The following CACNA1E variants were observed in gnomAD, a reference collection of about 807,000 sequenced individuals.
CACNA1E encodes calcium voltage-gated channel subunit alpha1 E, also known as voltage-dependent R-type calcium channel subunit alpha-1E.
A neutral mutation model predicts 259.2 loss-of-function variants in CACNA1E; 40 were observed. The ratio of observed to expected loss-of-function variants is 0.15; its 90% CI spans 0.12 to 0.20. The LOEUF is 0.20. Ranked by LOEUF, CACNA1E falls within the 10% of genes least tolerant of loss-of-function variation. The pLI, the probability that CACNA1E is intolerant of heterozygous loss-of-function variation, is 1.00. For synonymous variants in CACNA1E, 1,104 were observed against 1,138.5 expected, an observed-to-expected ratio of 0.97 and a Z score of 0.61; for missense variants, 1,874 against 3,040.1, an observed-to-expected ratio of 0.62 and a Z score of 9.02.
rs555287054 is a variant in CACNA1E at position 181,703,568 on chromosome 1, T to C, written c.1056-7386T>C. ...TAATTGTCATGCTTTTCTTCCCCTG[T>C]GTCTACTCAAACAAATAAATGAGAT... On this transcript the variant is annotated intron_variant, in intron 7 of 47. Transcript: ENST00000367573. Among the ~76,000 whole-genome samples, 19 of 152,318 alleles carry C rather than the reference T, an allele frequency of 1.2e-4. No homozygotes were observed. The East Asian group carries it at 2.3e-3, about 19-fold the overall frequency.
At chr1:181,687,130 A>AGGAAT (rs1650660375) in intron 7 of CACNA1E, among the ~76,000 whole-genome samples, 1 of 152,172 alleles carries the variant, frequency 6.6e-6, no homozygotes, top group South Asian at 2.1e-4. Context: ...ATTTGAAGGG[A>AGGAAT]GGAATGAACC....
chr1:181,465,043 T>C (rs1662067675), intron 2 of CACNA1E, among the ~76,000 whole-genome samples: 1 of 152,178 alleles, frequency 6.6e-6, no homozygotes, highest in South Asian at 2.1e-4. Flanking sequence ...CCAAGAAATG[T>C]CTTATAGTAC....
At chr1:181,536,913 G>A (rs143574981) in intron 3 of CACNA1E, among the ~76,000 whole-genome samples, 33 of 151,940 alleles carry the variant, frequency 2.2e-4, no homozygotes, top group African/African-American at 7.0e-4. Flanking sequence ...TAAGGAGGAG[G>A]GTTAAAGTGA....
chr1:181,591,601 A>C (rs910120201), intron 6 of CACNA1E, among the ~76,000 whole-genome samples: 1 of 152,030 alleles, frequency 6.6e-6, no homozygotes, highest in Non-Finnish European at 1.5e-5. Flanking sequence ...ATGCCAGAAG[A>C]TGTCTCATTT....
intron 7 of CACNA1E, among the ~76,000 whole-genome samples, chr1:181,686,280 T>G (rs1318439319): frequency 8.2e-6 from 1 of 122,078 alleles, no homozygotes; most frequent in Non-Finnish European, 1.7e-5. Flanking sequence ...ACCAAGTTTT[T>G]TTTTTTTTTT....
chr1:181,568,849 T>C (rs1265560201), intron 3 of CACNA1E, among the ~76,000 whole-genome samples: 1 of 152,156 alleles, frequency 6.6e-6, no homozygotes, highest in Admixed American at 6.5e-5. Flanking sequence ...AAGCAATTCC[T>C]CCAACTTGGC....
At chr1:181,505,143 T>C (rs1417786543) in intron 1 of CACNA1E, among the ~76,000 whole-genome samples, 3 of 152,224 alleles carry the variant, frequency 2.0e-5, no homozygotes, top group Non-Finnish European at 4.4e-5. Flanking sequence ...GGCCATCGCA[T>C]TCCTCCTCAC....
At chr1:181,454,259 A>G (rs1323437970) in intron 2 of CACNA1E, among the ~76,000 whole-genome samples, 2 of 152,226 alleles carry the variant, frequency 1.3e-5, no homozygotes, top group African/African-American at 4.8e-5. Context: ...TCTAGAGATC[A>G]GGCCCCCATC....
intron 6 of CACNA1E, among the ~76,000 whole-genome samples, chr1:181,628,497 T>A (rs1656406745): frequency 6.6e-6 from 1 of 152,230 alleles, no homozygotes; most frequent in African/African-American, 2.4e-5. Flanking sequence ...AATCTTCTTT[T>A]TATCATAGAA....
At chr1:181,701,976 G>A (rs1305689614) in intron 7 of CACNA1E, among the ~76,000 whole-genome samples, 1 of 152,178 alleles carries the variant, frequency 6.6e-6, no homozygotes, top group East Asian at 1.9e-4. Context: ...GAGGGTGGCA[G>A]AGAAAGAGCA....
intron 6 of CACNA1E, among the ~76,000 whole-genome samples, chr1:181,647,972 G>T (rs996895849): frequency 6.6e-6 from 1 of 152,202 alleles, no homozygotes; most frequent in Non-Finnish European, 1.5e-5. Context: ...TTCTCCAGAA[G>T]AACCTTTTAA....
chr1:181,679,658 A>G (rs1649733606), intron 7 of CACNA1E, among the ~76,000 whole-genome samples: 1 of 152,150 alleles, frequency 6.6e-6, no homozygotes, highest in Non-Finnish European at 1.5e-5. Flanking sequence ...TCAGGATGGC[A>G]CTGCAGTGAT....
chr1:181,525,077 T>G (rs1667258576), intron 3 of CACNA1E, among the ~76,000 whole-genome samples: 1 of 152,256 alleles, frequency 6.6e-6, no homozygotes, highest in South Asian at 2.1e-4. Context: ...CAAGGAACTT[T>G]AAGTCTGATG....
intron 3 of CACNA1E, among the ~76,000 whole-genome samples, chr1:181,534,323 G>A (rs1283934772): frequency 6.6e-6 from 1 of 152,062 alleles, no homozygotes; most frequent in African/African-American, 2.4e-5. Context: ...GGGTGCTATT[G>A]AAAACTGAGT....
chr1:181,442,233 A>T (rs966685107), intron 2 of CACNA1E, among the ~76,000 whole-genome samples: 29 of 96,916 alleles, frequency 3.0e-4, no homozygotes, highest in Non-Finnish European at 5.0e-4. Flanking sequence ...GGGCATAAGT[A>T]TGAGGGACAC....
intron 1 of CACNA1E, among the ~76,000 whole-genome samples, chr1:181,486,509 A>C (rs1663830750): frequency 6.6e-6 from 1 of 152,172 alleles, no homozygotes; most frequent in South Asian, 2.1e-4. Context: ...ATAACTTCCC[A>C]AGTATCTTGC....
At chr1:181,497,796 G>A (rs1664891731) in intron 1 of CACNA1E, among the ~76,000 whole-genome samples, 1 of 152,204 alleles carries the variant, frequency 6.6e-6, no homozygotes, top group African/African-American at 2.4e-5. Context: ...TGCATCTGCA[G>A]CATCACTGGG....
chr1:181,365,955 G>A (rs1219236250), intron 1 of CACNA1E, among the ~76,000 whole-genome samples: 1 of 152,170 alleles, frequency 6.6e-6, no homozygotes, highest in Non-Finnish European at 1.5e-5. Flanking sequence ...ATGGTTCTTG[G>A]GGACCTTCTG....
intron 7 of CACNA1E, among the ~76,000 whole-genome samples, chr1:181,687,060 G>A (rs1650653930): frequency 6.6e-6 from 1 of 152,114 alleles, no homozygotes; most frequent in African/African-American, 2.4e-5. Flanking sequence ...GGTGGGGTGG[G>A]GGTGGTTCTC....
Sources: allele counts gnomAD v4.1 joint callset (sites outside exome capture counted in the v4.1 genomes callset), GRCh38; gene constraint gnomAD v4.1.1; transcripts MANE v1.5; gene names NCBI Gene and HGNC (gene_info 2026-07-23, HGNC 2026-07-21).